The following KIAA1958 variants were observed in gnomAD, a reference collection of about 807,000 sequenced individuals.
KIAA1958 encodes the protein uncharacterized protein KIAA1958.
A neutral mutation model predicts 47.2 loss-of-function variants in KIAA1958; 14 were observed. The ratio of observed to expected loss-of-function variants is 0.30; its 90% CI spans 0.20 to 0.46. The LOEUF (loss-of-function observed/expected upper bound fraction) is 0.46, where lower values mean the gene tolerates loss of function less well. KIAA1958 is among the 20% of genes least tolerant of loss of function. KIAA1958 has a pLI of 1.00. For missense variants in KIAA1958, 803 were observed against 909.2 expected (o/e 0.88, Z 1.50); for synonymous variants, 354 against 353.3 (o/e 1.00, Z -0.02).
intron 1 of KIAA1958, among the ~76,000 whole-genome samples, chr9:112,516,348 A>G (rs1009567900): frequency 7.2e-5 from 11 of 152,192 alleles, no homozygotes; most frequent in African/African-American, 1.7e-4. Context: ...ATTTAAAAAT[A>G]CCATTTGTAA....
In KIAA1958 at chr9:112,624,070, A is replaced by G. The variant is rs575944757; in HGVS notation, c.1172-21580A>G. On this transcript the variant is annotated intron_variant, in intron 2 of 3. Transcript: ENST00000337530. ...AAATAAAAACTCTCTCCCAGATGAC[A>G]GAAGAAATAGATACCTAAGCCTAGG... 1.6e-4 allele frequency among the ~76,000 whole-genome samples: 24 copies of G among 152,364 alleles called. 1 individual carries two copies. The South Asian group carries it at 2.5e-3, about 16-fold the overall frequency.
At chr9:112,546,884 C>T (rs1588012179) in intron 1 of KIAA1958, among the ~76,000 whole-genome samples, 1 of 152,226 alleles carries the variant, frequency 6.6e-6, no homozygotes, top group East Asian at 1.9e-4. Flanking sequence ...TACTGCCTCT[C>T]TGTGCTCCTT....
intron 2 of KIAA1958, among the ~76,000 whole-genome samples, chr9:112,635,550 CCTCCATTTCT>C (rs1424799705): frequency 6.6e-6 from 1 of 152,166 alleles, no homozygotes; most frequent in Non-Finnish European, 1.5e-5. Flanking sequence ...CCTCATCTGG[CCTCCATTTCT>C]CTAATGGGTA....
intron 1 of KIAA1958, among the ~76,000 whole-genome samples, chr9:112,527,051 A>G (rs560085404): frequency 6.6e-6 from 1 of 152,328 alleles, no homozygotes; most frequent in East Asian, 1.9e-4. Flanking sequence ...TTTGGGCACT[A>G]AGACACATTT....
chr9:112,526,658 A>G (rs1400181218), intron 1 of KIAA1958, among the ~76,000 whole-genome samples: 3 of 152,244 alleles, frequency 2.0e-5, no homozygotes, highest in African/African-American at 7.2e-5. Context: ...GTGTTATCAC[A>G]TGTCAGAAGG....
Position 112,638,148 on chromosome 9 carries a change from CA to C in KIAA1958, c.1172-7495del, listed in dbSNP as rs921165281. On this transcript the variant is annotated intron_variant, in intron 2 of 3. Transcript: ENST00000337530. ...TGGGCAACAGCGAGAGACTCCATCT[CA>C]AAAAAATAAACAAAAAATAAAATTT... Among the ~76,000 whole-genome samples, 3 of 151,720 alleles carry C rather than the reference CA, an allele frequency of 2.0e-5. No homozygotes were observed. The South Asian group carries it at 6.3e-4, about 32-fold the overall frequency.
At chr9:112,487,973 G>GTT (rs1554718565) in intron 1 of KIAA1958, among the ~76,000 whole-genome samples, 11 of 150,264 alleles carry the variant, frequency 7.3e-5, no homozygotes, top group Non-Finnish European at 1.0e-4. Flanking sequence ...GTGTGTGTGT[G>GTT]TTTTGAAGTT....
chr9:112,587,537 T>A (rs1446205181), intron 2 of KIAA1958, among the ~76,000 whole-genome samples: 1 of 152,218 alleles, frequency 6.6e-6, no homozygotes, highest in Non-Finnish European at 1.5e-5. Flanking sequence ...GTAAGAACAG[T>A]GATCAGATTT....
rs1014463087 is a variant in KIAA1958, at chr9:112,660,174, G to A, written c.*105G>A. 61 of 960,504 alleles carry A rather than the reference G, an allele frequency of 6.4e-5. 1 individual carries two copies. The highest frequency in any genetic ancestry group is 6.7e-4 in the Middle Eastern group (2 of 2,970). 59.5% of individuals were successfully genotyped at this position (960,504 alleles called of 1,614,324 possible). Reference sequence around the variant, plus strand: ...AGGGGCTGACCAGGTGTGACCTCCCGGTCTGGCGGCTCTCCCCTGGTGTGG... The same window carrying A: ...AGGGGCTGACCAGGTGTGACCTCCCAGTCTGGCGGCTCTCCCCTGGTGTGG... On this transcript the variant is annotated 3_prime_UTR_variant, in exon 4 of 4. Coordinates refer to ENST00000337530, the MANE Select transcript of KIAA1958 (RefSeq NM_133465.4).
intron 2 of KIAA1958, among the ~76,000 whole-genome samples, chr9:112,637,146 A>T (rs910896858): frequency 6.6e-6 from 1 of 152,160 alleles, no homozygotes; most frequent in Non-Finnish European, 1.5e-5. Flanking sequence ...TATAATGTTA[A>T]TTCTGTATAT....
chr9:112,533,587 A>ACC (rs765851834), intron 1 of KIAA1958, among the ~76,000 whole-genome samples: 98,884 of 125,460 alleles, frequency 0.79, 39,329 homozygotes, highest in South Asian at 0.85. Flanking sequence ...TCCCAAAAAA[A>ACC]AAAAAAAAAA....
At position 112,503,633 on chromosome 9, in the gene KIAA1958, A is replaced by AG. The variant is rs1391001618; in HGVS notation, c.-25+16515_-25+16516insG. ...CCCTGTCTCAAAAAAAAAAAAAAAA[A>AG]AAAGGTCAAGGGCTCCGCTAGAGTG... On this transcript the variant is annotated intron_variant, in intron 1 of 3. Coordinates refer to ENST00000337530, the MANE Select transcript of KIAA1958 (RefSeq NM_133465.4). Among the ~76,000 whole-genome samples, 38 of 151,310 alleles carry AG rather than the reference A, an allele frequency of 2.5e-4. 1 individual carries two copies. Among genetic ancestry groups the AG allele is most frequent in the Admixed American group, 2.5e-3 (38 of 15,156 alleles).
In KIAA1958 at chr9:112,575,127, G is replaced by A; in HGVS notation, c.1047G>A (p.Gln349=). ...SEEFLSHLPS[Q]VSSCEVALSP... is the part of the protein sequence containing the mutation. ...AGTTCCTGTCCCATCTGCCCAGCCA[G>A]GTCTCCTCCTGTGAGGTAGCCCTTT... is the stretch of plus-strand genomic sequence containing the variant. The change falls in exon 2 of 4, where the codon CAG becomes CAA. Residue 349 remains glutamine (Q), a synonymous_variant. Coordinates refer to ENST00000337530, the MANE Select transcript of KIAA1958 (RefSeq NM_133465.4). 1 of 1,605,942 alleles carries A rather than the reference G, an allele frequency of 6.2e-7. No homozygotes were observed. The highest frequency in any genetic ancestry group is 8.5e-7 in the Non-Finnish European group (1 of 1,179,946).
At chr9:112,489,308 A>G (rs1019071811) in intron 1 of KIAA1958, among the ~76,000 whole-genome samples, 3 of 152,226 alleles carry the variant, frequency 2.0e-5, no homozygotes, top group African/African-American at 7.2e-5. Context: ...TGTCAGTGGT[A>G]GTGATAAGAT....
intron 1 of KIAA1958, among the ~76,000 whole-genome samples, chr9:112,492,619 C>T (rs1833988230): frequency 6.6e-6 from 1 of 152,100 alleles, no homozygotes; most frequent in African/African-American, 2.4e-5. Context: ...GAATCCCAGG[C>T]CCCAATACAT....
At chr9:112,522,653 A>G (rs925284008) in intron 1 of KIAA1958, among the ~76,000 whole-genome samples, 4 of 152,200 alleles carry the variant, frequency 2.6e-5, no homozygotes, top group African/African-American at 9.7e-5. Flanking sequence ...TCATTGACCC[A>G]GTTGGGACCA....
chr9:112,504,908 C>T (rs1834207024), intron 1 of KIAA1958, among the ~76,000 whole-genome samples: 1 of 152,112 alleles, frequency 6.6e-6, no homozygotes, highest in South Asian at 2.1e-4. Flanking sequence ...GGGTATTTAG[C>T]ATGTCTATTG....
At chr9:112,657,922 T>A (rs1837181760) in intron 3 of KIAA1958, among the ~76,000 whole-genome samples, 1 of 151,698 alleles carries the variant, frequency 6.6e-6, no homozygotes, top group Non-Finnish European at 1.5e-5. Context: ...AGTGGCGCAA[T>A]CTCGGCTCAC....
chr9:112,529,983 A>G (rs1834726121), intron 1 of KIAA1958, among the ~76,000 whole-genome samples: 1 of 152,076 alleles, frequency 6.6e-6, no homozygotes, highest in Non-Finnish European at 1.5e-5. Flanking sequence ...AGCTGGGACT[A>G]TAGGCGCCCG....
Sources: allele counts gnomAD v4.1 joint callset (sites outside exome capture counted in the v4.1 genomes callset), GRCh38; gene constraint gnomAD v4.1.1; transcripts MANE v1.5; gene names NCBI Gene and HGNC (gene_info 2026-07-23, HGNC 2026-07-21).